ZRANB3: variants seen among roughly 807,000 people sequenced by gnomAD.
ZRANB3 encodes DNA annealing helicase and endonuclease ZRANB3.
In ZRANB3, 125 loss-of-function variants were observed where a neutral mutation model predicts 133.8. The ratio of observed to expected loss-of-function variants is 0.93; its 90% CI spans 0.81 to 1.08. The LOEUF (loss-of-function observed/expected upper bound fraction) is 1.08. Ranked by LOEUF, ZRANB3 falls within the 50% of genes least tolerant of loss-of-function variation. The pLI, the probability that ZRANB3 is intolerant of heterozygous loss-of-function variation, is 0.00. For synonymous variants in ZRANB3, 387 were observed against 432.7 expected, an observed-to-expected ratio of 0.89 and a Z score of 1.31; for missense variants, 1,229 against 1,275.5, an observed-to-expected ratio of 0.96 and a Z score of 0.56.
At chr2:135,451,148 A>G (rs1690249920) in intron 2 of ZRANB3, among the ~76,000 whole-genome samples, 1 of 152,214 alleles carries the variant, frequency 6.6e-6, no homozygotes, top group African/African-American at 2.4e-5. Context: ...CCAGGCCCTA[A>G]AGGATCAAAC....
intron 20 of ZRANB3, 47 bp from the exon 21 acceptor site, chr2:135,200,487 C>A: frequency 6.9e-7 from 1 of 1,453,598 alleles, no homozygotes; most frequent in Non-Finnish European, 9.4e-7. Flanking sequence ...AAAAAAGCAC[C>A]GGCTACAAAA....
rs184104504 is a variant in ZRANB3 at position 135,309,748 on chromosome 2, A to T, written c.966+3741T>A. ...GAACGATACTCTTTTCAGGGACCAG[A>T]AGACTAAATATTATTCAGAAGTAAA... On this transcript the variant is annotated intron_variant, in intron 8 of 20. Transcript: ENST00000264159. Among the ~76,000 whole-genome samples the T allele has an allele frequency of 4.6e-5, 7 of 152,338 alleles. No individual in the cohort carries two copies. The East Asian group carries it at 1.3e-3, about 29-fold the overall frequency.
intron 6 of ZRANB3, among the ~76,000 whole-genome samples, chr2:135,335,892 A>AG (rs1486836341): frequency 6.6e-6 from 1 of 151,984 alleles, no homozygotes; most frequent in African/African-American, 2.4e-5. Context: ...CATTACTTCC[A>AG]GGGGGAAAAA....
At chr2:135,511,688 G>A (rs1693461672) in intron 1 of ZRANB3, 1 of 767,268 alleles carries the variant, frequency 1.3e-6, no homozygotes, top group Non-Finnish European at 2.4e-6. Context: ...CCATCATTTA[G>A]TGTGGCATAA....
At chr2:135,216,341 A>C (rs1694310684) in intron 17 of ZRANB3, among the ~76,000 whole-genome samples, 1 of 152,158 alleles carries the variant, frequency 6.6e-6, no homozygotes, top group African/African-American at 2.4e-5. Flanking sequence ...AAACTGATGA[A>C]ATATAAGGAT....
chr2:135,423,421 C>T (rs866437850), intron 2 of ZRANB3, among the ~76,000 whole-genome samples: 1 of 152,064 alleles, frequency 6.6e-6, no homozygotes, highest in Admixed American at 6.6e-5. Flanking sequence ...CAAAGTGAGA[C>T]CCTGTCTCAA....
intron 19 of ZRANB3, among the ~76,000 whole-genome samples, chr2:135,206,100 A>G (rs1329792769): frequency 6.6e-6 from 1 of 152,224 alleles, no homozygotes; most frequent in Non-Finnish European, 1.5e-5. Flanking sequence ...ATGATCCAGT[A>G]TATTCAACCA....
chr2:135,315,535 T>G lies in ZRANB3; in HGVS notation c.678-5A>C. On this transcript the variant is annotated splice_polypyrimidine_tract_variant and splice_region_variant and intron_variant, in intron 6 of 20. Coordinates refer to ENST00000264159, the MANE Select transcript of ZRANB3 (RefSeq NM_032143.4). Reference sequence around the variant, plus strand: ...TGAGGTCTTTTACCAAAATATCTGTTAAAATGAAGACAAAACATGTAGCAA... The same window carrying G: ...TGAGGTCTTTTACCAAAATATCTGTGAAAATGAAGACAAAACATGTAGCAA... 6.8e-7 allele frequency: 1 copy of G among 1,478,974 alleles called. No homozygotes were observed. The highest frequency in any genetic ancestry group is 9.0e-7 in the Non-Finnish European group (1 of 1,116,054). The allele number at this position is 1,478,974 out of a possible 1,614,324, so 91.6% of individuals were successfully genotyped here.
At chr2:135,458,545 T>C (rs1690629005) in intron 2 of ZRANB3, among the ~76,000 whole-genome samples, 1 of 152,126 alleles carries the variant, frequency 6.6e-6, no homozygotes, top group African/African-American at 2.4e-5. Flanking sequence ...ATTTATTACA[T>C]ACCACGTTAA....
chr2:135,414,082 G>C (rs185489454), intron 2 of ZRANB3, among the ~76,000 whole-genome samples: 23 of 151,598 alleles, frequency 1.5e-4, no homozygotes, highest in Admixed American at 1.1e-3. Context: ...CATAATGGCA[G>C]GATCAAATTC....
At chr2:135,356,398 T>C (rs1271274252) in intron 3 of ZRANB3, among the ~76,000 whole-genome samples, 1 of 152,034 alleles carries the variant, frequency 6.6e-6, no homozygotes, top group South Asian at 2.1e-4. Flanking sequence ...ACCATAAATA[T>C]ATATAATTTT....
chr2:135,351,456 T>C (rs556171967), intron 4 of ZRANB3, among the ~76,000 whole-genome samples: 2 of 152,016 alleles, frequency 1.3e-5, no homozygotes, highest in South Asian at 2.1e-4. Flanking sequence ...TTAGCCAGGA[T>C]GGTCTCGATC....
chr2:135,218,197 G>A (rs1323561062), intron 16 of ZRANB3, among the ~76,000 whole-genome samples: 2 of 152,118 alleles, frequency 1.3e-5, no homozygotes, highest in Non-Finnish European at 2.9e-5. Context: ...GATCAACAGT[G>A]ATAATATGCT....
intron 8 of ZRANB3, among the ~76,000 whole-genome samples, chr2:135,296,723 C>T (rs1682134729): frequency 2.0e-5 from 3 of 152,092 alleles, no homozygotes; most frequent in African/African-American, 7.2e-5. Context: ...TACCTTTGGT[C>T]TTTGATGAAG....
chr2:135,277,779 G>T (rs1206686445), intron 8 of ZRANB3, among the ~76,000 whole-genome samples: 1 of 152,010 alleles, frequency 6.6e-6, no homozygotes, highest in African/African-American at 2.4e-5. Context: ...ACAAAAATTA[G>T]CTGGGTGTGG....
At chr2:135,286,724 T>C (rs1187071881) in intron 8 of ZRANB3, among the ~76,000 whole-genome samples, 1 of 152,208 alleles carries the variant, frequency 6.6e-6, no homozygotes, top group Non-Finnish European at 1.5e-5. Context: ...TTTTGAGAAT[T>C]GTCTATTCAT....
chr2:135,383,081 TGCTGTATTCAGGAA>T (rs1686797573), intron 3 of ZRANB3, among the ~76,000 whole-genome samples: 2 of 152,088 alleles, frequency 1.3e-5, no homozygotes, highest in South Asian at 4.1e-4. Flanking sequence ...CCCATCAGTG[TGCTGTATTCAGGAA>T]GCCCATCTCA....
intron 1 of ZRANB3, chr2:135,530,564 G>C (rs1047973083): frequency 2.4e-4 from 37 of 152,372 alleles, no homozygotes; most frequent in African/African-American, 8.9e-4. Context: ...TCCCGCCACA[G>C]GTTTGGGACG....
intron 9 of ZRANB3, among the ~76,000 whole-genome samples, chr2:135,273,396 G>T (rs2105123106): frequency 6.6e-6 from 1 of 152,208 alleles, no homozygotes; most frequent in East Asian, 1.9e-4. Flanking sequence ...TGTCCTCAAA[G>T]AGCAAGTATA....
Sources: allele counts gnomAD v4.1 joint callset (sites outside exome capture counted in the v4.1 genomes callset), GRCh38; gene constraint gnomAD v4.1.1; transcripts MANE v1.5; gene names NCBI Gene and HGNC (gene_info 2026-07-23, HGNC 2026-07-21).